Variants in CADPS2 observed in about 807,000 individuals in gnomAD.
The protein encoded by CADPS2 is calcium dependent secretion activator 2.
In CADPS2, 93 loss-of-function variants were observed where a neutral mutation model predicts 172.5. The ratio of observed to expected loss-of-function variants is 0.54; its 90% CI spans 0.46 to 0.64. The LOEUF (loss-of-function observed/expected upper bound fraction) is 0.64. CADPS2 is among the 30% of genes least tolerant of loss of function. The pLI, the probability that CADPS2 is intolerant of heterozygous loss-of-function variation, is 0.00. For synonymous variants in CADPS2, 546 were observed against 555.2 expected (o/e 0.98, Z 0.23); for missense variants, 1,420 against 1,565.9 (o/e 0.91, Z 1.57).
intron 6 of CADPS2, among the ~76,000 whole-genome samples, chr7:122,614,080 G>A (rs921588110): frequency 1.3e-5 from 2 of 151,920 alleles, no homozygotes; most frequent in Admixed American, 6.6e-5. Flanking sequence ...ACAAGCAGAC[G>A]GGAAAGCAAG....
intron 27 of CADPS2, among the ~76,000 whole-genome samples, chr7:122,351,430 G>A (rs1221073507): frequency 8.0e-6 from 1 of 124,748 alleles, no homozygotes; most frequent in Non-Finnish European, 1.7e-5. Context: ...CAAGAATGAA[G>A]CAGCCAGTTA....
chr7:122,571,398 A>G (rs1563738568), intron 7 of CADPS2, among the ~76,000 whole-genome samples: 1 of 152,164 alleles, frequency 6.6e-6, no homozygotes, highest in Non-Finnish European at 1.5e-5. Context: ...TAAAATGTCA[A>G]CTACTTTTAC....
rs77605410 is a variant in CADPS2 at position 122,594,760 on chromosome 7, A to G, written c.1224-13470T>C. 8.8e-4 allele frequency among the ~76,000 whole-genome samples: 133 copies of G among 151,940 alleles called. 1 individual carries two copies. In the East Asian group the frequency reaches 0.021, roughly 24 times the overall value. The stretch of plus-strand genomic sequence containing the variant: ...AAGCACCTAATTTTAAAGAGAACAA[A>G]TTGGTCACATCTTGGCTTACAATTT... On this transcript the variant is annotated intron_variant, in intron 6 of 29. Coordinates refer to ENST00000449022, the MANE Select transcript of CADPS2 (RefSeq NM_017954.11).
At chr7:122,590,449 T>G (rs1006309399) in intron 6 of CADPS2, among the ~76,000 whole-genome samples, 1 of 151,910 alleles carries the variant, frequency 6.6e-6, no homozygotes, top group African/African-American at 2.4e-5. Context: ...GAACATGGAT[T>G]TATGTAATTC....
intron 3 of CADPS2, among the ~76,000 whole-genome samples, chr7:122,658,027 TCAAA>T (rs549735384): frequency 6.6e-6 from 1 of 151,966 alleles, no homozygotes; most frequent in Non-Finnish European, 1.5e-5. Flanking sequence ...TACAAAGAAC[TCAAA>T]CAAATTTACA....
chr7:122,553,953 G>A (rs1587205402), intron 8 of CADPS2, among the ~76,000 whole-genome samples: 1 of 152,024 alleles, frequency 6.6e-6, no homozygotes, highest in Admixed American at 6.6e-5. Flanking sequence ...ATCACCAGCT[G>A]CAACAGACAA....
Position 122,645,479 on chromosome 7 carries a change from ATATTT to A in CADPS2, c.787-16156_787-16152del, listed in dbSNP as rs1373315314. The stretch of plus-strand genomic sequence containing the variant: ...TGTATATATGTGTATATATGTATAT[ATATTT>A]AGCGTATATATATATAAGTATATAT... On this transcript the variant is annotated intron_variant, in intron 3 of 29. Transcript: ENST00000449022. 9.3e-4 allele frequency among the ~76,000 whole-genome samples: 103 copies of A among 110,176 alleles called. 3 individuals are homozygous for A. Among genetic ancestry groups the A allele is most frequent in the Non-Finnish European group, 1.2e-3 (62 of 52,268 alleles). The allele number at this position is 110,176 out of a possible 152,430, so 72.3% of individuals were successfully genotyped here.
At chr7:122,475,364 T>C (rs938593822) in intron 12 of CADPS2, among the ~76,000 whole-genome samples, 1 of 152,188 alleles carries the variant, frequency 6.6e-6, no homozygotes, top group South Asian at 2.1e-4. Context: ...GTTATCAAGA[T>C]AAAAGTGGAC....
chr7:122,386,318 T>C, intron 24 of CADPS2: 3 of 1,425,958 alleles, frequency 2.1e-6, no homozygotes, highest in Non-Finnish European at 1.9e-6. Context: ...AACTGGATCA[T>C]GCCATGGGTG....
chr7:122,783,258 T>C (rs527888689), intron 1 of CADPS2, among the ~76,000 whole-genome samples: 32 of 152,272 alleles, frequency 2.1e-4, no homozygotes, highest in African/African-American at 7.7e-4. Flanking sequence ...TAACCCAGTC[T>C]GATATCTGGC....
intron 13 of CADPS2, among the ~76,000 whole-genome samples, chr7:122,474,116 C>T (rs747034694): frequency 2.6e-4 from 40 of 152,112 alleles, no homozygotes; most frequent in Non-Finnish European, 4.9e-4. Flanking sequence ...GTGACTGATA[C>T]ACCACAGTTT....
chr7:122,803,421 T>C (rs900265956), intron 1 of CADPS2, among the ~76,000 whole-genome samples: 2 of 152,192 alleles, frequency 1.3e-5, no homozygotes, highest in African/African-American at 4.8e-5. Flanking sequence ...GAAGAGAGAA[T>C]GTTCTGTGAT....
chr7:122,812,085 G>A (rs1800139894), intron 1 of CADPS2, among the ~76,000 whole-genome samples: 2 of 151,394 alleles, frequency 1.3e-5, no homozygotes, highest in Non-Finnish European at 2.9e-5. Context: ...AGTCCCAAAG[G>A]ACTAAAGATT....
intron 1 of CADPS2, among the ~76,000 whole-genome samples, chr7:122,879,649 T>C (rs1474381765): frequency 1.3e-5 from 2 of 152,168 alleles, no homozygotes; most frequent in East Asian, 1.9e-4. Context: ...ATTAAATATC[T>C]TAGCTATTAG....
At chr7:122,383,784 T>G (rs942511337) in intron 24 of CADPS2, among the ~76,000 whole-genome samples, 11 of 152,126 alleles carry the variant, frequency 7.2e-5, no homozygotes, top group African/African-American at 2.7e-4. Flanking sequence ...ATTCCAGCTT[T>G]CTTAAAAGAT....
At chr7:122,355,979 T>C (rs2039348345) in intron 27 of CADPS2, among the ~76,000 whole-genome samples, 1 of 152,196 alleles carries the variant, frequency 6.6e-6, no homozygotes, top group South Asian at 2.1e-4. Flanking sequence ...TGTGGAAATA[T>C]TAGTTTCATA....
chr7:122,431,438 T>TG (rs1256931618), intron 17 of CADPS2, among the ~76,000 whole-genome samples: 1 of 152,062 alleles, frequency 6.6e-6, no homozygotes, highest in Non-Finnish European at 1.5e-5. Context: ...TCTTCTGGAC[T>TG]GGGGGTAAGT....
chr7:122,528,656 T>C (rs1367996978), intron 8 of CADPS2, among the ~76,000 whole-genome samples: 1 of 152,106 alleles, frequency 6.6e-6, no homozygotes, highest in Admixed American at 6.6e-5. Flanking sequence ...CATTTATTTA[T>C]TTGCTGACAA....
At chr7:122,728,277 A>G (rs2091303722) in intron 2 of CADPS2, among the ~76,000 whole-genome samples, 1 of 151,962 alleles carries the variant, frequency 6.6e-6, no homozygotes, top group South Asian at 2.1e-4. Flanking sequence ...AGGTAATTAC[A>G]TAAAATTTTA....
Sources: allele counts gnomAD v4.1 joint callset (sites outside exome capture counted in the v4.1 genomes callset), GRCh38; gene constraint gnomAD v4.1.1; transcripts MANE v1.5; gene names NCBI Gene and HGNC (gene_info 2026-07-23, HGNC 2026-07-21).